SKIL: variants seen among roughly 807,000 people sequenced by gnomAD.
The protein encoded by SKIL is ski-like protein.
In SKIL, 20 loss-of-function variants were observed where a neutral mutation model predicts 69.6. That is an observed-to-expected ratio of 0.29 (90% CI 0.20 to 0.42). The LOEUF is 0.42. SKIL is among the 10% of genes least tolerant of loss of function. The pLI is 1.00. For synonymous variants in SKIL, 310 were observed against 279.9 expected (o/e 1.11, Z -1.08); for missense variants, 745 against 783.1 (o/e 0.95, Z 0.58).
chr3:170,390,563 T>C, intron 5 of SKIL, 99 bp downstream of exon 5: 2 of 890,108 alleles, frequency 2.2e-6, no homozygotes, highest in Admixed American at 2.4e-5. Flanking sequence ...CTCAGCTCAC[T>C]GAAACCTCCA....
chr3:170,380,094 TTTTC>T (rs1248305205), intron 2 of SKIL, among the ~76,000 whole-genome samples: 1 of 152,332 alleles, frequency 6.6e-6, no homozygotes, highest in Non-Finnish European at 1.5e-5. Context: ...TTCTCCTTAT[TTTTC>T]TTTATTTTTA....
Position 170,360,270 on chromosome 3 carries a change from C to T in SKIL, c.-62C>T, listed in dbSNP as rs1007193524. 1 of 1,450,120 alleles carries T rather than the reference C, an allele frequency of 6.9e-7. No homozygotes were observed. The highest frequency in any genetic ancestry group is 1.4e-5 in the African/African-American group (1 of 70,618). 89.8% of individuals were successfully genotyped at this position (1,450,120 alleles called of 1,614,324 possible). ...TATCCATTCATTACTTTCCTCTTTT[C>T]AAATAAGCAACTAAATAGAAATGCT... On this transcript the variant is annotated 5_prime_UTR_variant, in exon 2 of 7. Coordinates refer to ENST00000259119, the MANE Select transcript of SKIL (RefSeq NM_005414.5).
chr3:170,384,669 G>A lies in SKIL; in HGVS notation c.1333G>A (p.Gly445Ser). 1 of 1,612,594 alleles carries A rather than the reference G, an allele frequency of 6.2e-7. No homozygotes were observed. Among genetic ancestry groups the A allele is most frequent in the Non-Finnish European group, 8.5e-7 (1 of 1,178,816 alleles). ...SRQSEKAHSS[G>S]KLQKTVSYPD... ...ACAGTCAGAGAAGGCTCACAGTAGT[G>A]GTAAACTTCAAAAAACAGTGTCTTA... Residue 445 changes from glycine (G) to serine (S), a missense_variant, in exon 4 of 7, where the codon GGT (glycine) becomes AGT (serine). Coordinates refer to ENST00000259119, the MANE Select transcript of SKIL (RefSeq NM_005414.5).
chr3:170,370,884 G>T (rs924651032), intron 2 of SKIL, among the ~76,000 whole-genome samples: 2 of 151,962 alleles, frequency 1.3e-5, no homozygotes, highest in African/African-American at 4.8e-5. Context: ...GGTTGAGACC[G>T]CAGTGAGCTG....
chr3:170,376,916 T>C (rs1288693228), intron 2 of SKIL, among the ~76,000 whole-genome samples: 5 of 152,158 alleles, frequency 3.3e-5, no homozygotes, highest in African/African-American at 1.2e-4. Context: ...CCATACTTTG[T>C]TGAATTGGGG....
chr3:170,362,483 C>G (rs572183618), intron 2 of SKIL, among the ~76,000 whole-genome samples: 1 of 151,654 alleles, frequency 6.6e-6, no homozygotes, highest in Non-Finnish European at 1.5e-5. Context: ...GCGTAGGCGT[C>G]GAGGGAAACT....
chr3:170,359,222 GTTC>G (rs763389320), intron 1 of SKIL, among the ~76,000 whole-genome samples: 26 of 152,210 alleles, frequency 1.7e-4, no homozygotes, highest in Non-Finnish European at 2.9e-4. Context: ...TTAAATGAAT[GTTC>G]TTCTAGTAAA....
intron 6 of SKIL, 62 bp downstream of exon 6, chr3:170,391,322 C>A: frequency 2.1e-6 from 2 of 961,292 alleles, no homozygotes; most frequent in Non-Finnish European, 3.1e-6. Context: ...TGTTACTTCT[C>A]TCTTTTTTTT....
Position 170,392,705 on chromosome 3 carries a change from T to A in SKIL, c.*288T>A, listed in dbSNP as rs967644864. On this transcript the variant is annotated 3_prime_UTR_variant, in exon 7 of 7. Coordinates refer to ENST00000259119, the MANE Select transcript of SKIL (RefSeq NM_005414.5). ...TCTGCTTATATTTCTAATGCAAACT[T>A]AACAATTGTGTACTTTTTAAAAGCT... is the stretch of plus-strand genomic sequence containing the variant. 1.6e-5 allele frequency: 3 copies of A among 184,330 alleles called. No homozygotes were observed. Among genetic ancestry groups the A allele is most frequent in the Non-Finnish European group, 3.3e-5 (3 of 89,704 alleles). 11.4% of individuals were successfully genotyped at this position (184,330 alleles called of 1,614,324 possible). A position where few individuals can be genotyped will look rare whatever the true frequency, so the allele number is the denominator to read the frequency against.
At position 170,359,314 on chromosome 3, in the gene SKIL, G is replaced by A. The variant is rs141823437; in HGVS notation, c.-633-385G>A. 5.0e-3 allele frequency among the ~76,000 whole-genome samples: 765 copies of A among 152,270 alleles called. 13 individuals carry two copies. The highest frequency in any genetic ancestry group is 0.044 in the South Asian group (214 of 4,822). ...AGTTTAAGATTAAGAAACTGATTTC[G>A]GCCGGGTGCGGTGGCTCACGCCTGT... On this transcript the variant is annotated intron_variant, in intron 1 of 6. Coordinates refer to ENST00000259119, the MANE Select transcript of SKIL (RefSeq NM_005414.5).
chr3:170,384,791 A>G (rs763306917), intron 4 of SKIL, 26 bp downstream of exon 4: 22 of 1,175,480 alleles, frequency 1.9e-5, no homozygotes, highest in East Asian at 7.1e-5. Context: ...TTATCTTTCT[A>G]AAATTAAATA....
At chr3:170,367,476 TTTA>T (rs200780045) in intron 2 of SKIL, among the ~76,000 whole-genome samples, 3,398 of 75,344 alleles carry the variant, frequency 0.045, 76 homozygotes, top group East Asian at 0.24. Context: ...TTTTTTTTTT[TTTA>T]AATTGAGATG....
intron 4 of SKIL, among the ~76,000 whole-genome samples, chr3:170,388,005 A>G (rs915623447): frequency 9.3e-5 from 14 of 150,424 alleles, no homozygotes; most frequent in Non-Finnish European, 1.6e-4. Context: ...GTGTAGAACT[A>G]TATTTTCAGT....
rs1387998932 is a variant in SKIL at position 170,392,454 on chromosome 3, AG to A, written c.*39del. On this transcript the variant is annotated 3_prime_UTR_variant, in exon 7 of 7. Transcript: ENST00000259119. ...GAGATTCATCTGTGTATTACTGACA[AG>A]GTTTTTTTTGTTTGTTGCTTGCTTT... The A allele has an allele frequency of 2.1e-6, 3 of 1,415,394 alleles. No individual in the cohort carries two copies. Among genetic ancestry groups the A allele is most frequent in the South Asian group, 1.5e-5 (1 of 66,620 alleles). 87.7% of individuals were successfully genotyped at this position (1,415,394 alleles called of 1,614,324 possible).
At position 170,381,280 on chromosome 3, in the gene SKIL, T is replaced by C. The variant is rs1167620013; in HGVS notation, c.1135T>C (p.Tyr379His). ...ATCAGGAATGGAATTACAGTCATGGTATCCTGTTATAAAGCAGGAAGGTGA... is the reference window on the plus strand; with the variant it reads ...ATCAGGAATGGAATTACAGTCATGGCATCCTGTTATAAAGCAGGAAGGTGA... The part of the protein sequence containing the change: ...APSGMELQSW[Y>H]PVIKQEGDHV... Residue 379 changes from tyrosine (Y) to histidine (H), a missense_variant, in exon 3 of 7, where the codon TAT becomes CAT. Physicochemically the swap from Tyr to His is moderately conservative, Grantham distance 83. Transcript: ENST00000259119. 1.3e-6 allele frequency: 2 copies of C among 1,596,428 alleles called. No individual in the cohort carries two copies. Among genetic ancestry groups the C allele is most frequent in the Non-Finnish European group, 1.7e-6 (2 of 1,163,920 alleles).
intron 4 of SKIL, among the ~76,000 whole-genome samples, chr3:170,388,552 C>T (rs1270987864): frequency 6.6e-6 from 1 of 152,044 alleles, no homozygotes; most frequent in Non-Finnish European, 1.5e-5. Flanking sequence ...TTCACCTCAG[C>T]CTCCCAAGTA....
intron 4 of SKIL, among the ~76,000 whole-genome samples, chr3:170,385,900 C>G (rs1294075964): frequency 6.6e-6 from 1 of 151,642 alleles, no homozygotes; most frequent in African/African-American, 2.4e-5. Flanking sequence ...CTCCCAGATT[C>G]TCCTGCCTCA....
At chr3:170,390,548 G>T (rs746651896) in intron 5 of SKIL, 84 bp downstream of exon 5, 4 of 1,050,956 alleles carry the variant, frequency 3.8e-6, no homozygotes, top group Middle Eastern at 2.9e-4. Flanking sequence ...GTGCAGTGGC[G>T]CAGTCTCAGC....
intron 2 of SKIL, among the ~76,000 whole-genome samples, chr3:170,370,117 T>TA (rs933935449): frequency 2.0e-5 from 3 of 151,890 alleles, no homozygotes; most frequent in African/African-American, 7.3e-5. Flanking sequence ...CAGGCGCCTG[T>TA]AGTCCCAGCT....
Sources: allele counts gnomAD v4.1 joint callset (sites outside exome capture counted in the v4.1 genomes callset), GRCh38; gene constraint gnomAD v4.1.1; transcripts MANE v1.5; gene names NCBI Gene and HGNC (gene_info 2026-07-23, HGNC 2026-07-21).